Variants in ZNF493 observed in about 807,000 individuals in gnomAD.
ZNF493 encodes the protein zinc finger protein 493.
ZNF493 carries 11 observed loss-of-function variants against 12.2 expected under a neutral mutation model. The ratio of observed to expected loss-of-function variants is 0.90; its 90% CI spans 0.57 to 1.50. ZNF493 has a LOEUF of 1.50. Ranked by LOEUF, ZNF493 falls within the 40% of genes most tolerant of loss-of-function variation. ZNF493 has a pLI of 0.00. For synonymous variants in ZNF493, 286 were observed against 302.6 expected, an observed-to-expected ratio of 0.95 and a Z score of 0.57; for missense variants, 950 against 906.6, an observed-to-expected ratio of 1.05 and a Z score of -0.61.
chr19:21,406,802 C>T (rs1426240787), intron 3 of ZNF493, among the ~76,000 whole-genome samples: 2 of 150,702 alleles, frequency 1.3e-5, no homozygotes, highest in East Asian at 1.9e-4. Flanking sequence ...ATTTTAAAAT[C>T]GTAGTTTTCA....
intron 3 of ZNF493, among the ~76,000 whole-genome samples, chr19:21,416,680 C>T (rs887115346): frequency 1.3e-5 from 2 of 152,180 alleles, no homozygotes; most frequent in African/African-American, 4.8e-5. Context: ...GCTTCCAAAT[C>T]CTCCTGTTCG....
At chr19:21,398,593 GT>G in intron 1 of ZNF493, 2 of 439,920 alleles carry the variant, frequency 4.5e-6, no homozygotes. Context: ...TCAGCTTCTG[GT>G]TTATTTTCTC....
rs867357093 is a variant in ZNF493, at chr19:21,426,905, G to T, written c.*1921G>T. On this transcript the variant is annotated 3_prime_UTR_variant, in exon 4 of 4. Coordinates refer to ENST00000392288, the MANE Select transcript of ZNF493 (RefSeq NM_001076678.3). ...AATTATTTGTATATAATGTTAAGAG[G>T]AGTAAAAGATTTTTTGTAGAATAAT... 6.0e-6 allele frequency: 1 copy of T among 166,918 alleles called. No individual in the cohort carries two copies. Among genetic ancestry groups the T allele is most frequent in the East Asian group, 1.9e-4 (1 of 5,194 alleles). The allele number at this position is 166,918 out of a possible 1,614,324, so 10.3% of individuals were successfully genotyped here. A position where few individuals can be genotyped will look rare whatever the true frequency, so the allele number is the denominator to read the frequency against.
intron 1 of ZNF493, chr19:21,398,698 G>A: frequency 3.1e-6 from 1 of 324,270 alleles, no homozygotes; most frequent in Non-Finnish European, 6.0e-6. Context: ...CTCTTATTTT[G>A]AAACGGGTAA....
At chr19:21,414,218 T>G (rs1385679410) in intron 3 of ZNF493, 1 of 152,144 alleles carries the variant, frequency 6.6e-6, no homozygotes, top group Admixed American at 6.5e-5. Flanking sequence ...TATAAGCTAG[T>G]CTCCCAAATG....
intron 3 of ZNF493, chr19:21,414,019 C>T (rs56195306): frequency 3.2e-5 from 1 of 30,852 alleles, no homozygotes; most frequent in East Asian, 1.4e-3. Flanking sequence ...GTTTAATATT[C>T]CACACAGAGA....
rs1244723435 is a variant in ZNF493, at chr19:21,427,220, G to T, written c.*2236G>T. 1 of 167,048 alleles carries T rather than the reference G, an allele frequency of 6.0e-6. No individual in the cohort carries two copies. Among genetic ancestry groups the T allele is most frequent in the Non-Finnish European group, 1.5e-5 (1 of 68,116 alleles). The allele number at this position is 167,048 out of a possible 1,614,324, so 10.3% of individuals were successfully genotyped here. A position where few individuals can be genotyped will look rare whatever the true frequency, so the allele number is the denominator to read the frequency against. ...ACTTATACTATTGAGTGATGCACAA[G>T]GTAGGTGTTAAGAGTAATATTCTTT... is the stretch of plus-strand genomic sequence containing the variant. On this transcript the variant is annotated 3_prime_UTR_variant, in exon 4 of 4. Coordinates refer to ENST00000392288, the MANE Select transcript of ZNF493 (RefSeq NM_001076678.3).
At position 21,424,274 on chromosome 19, in the gene ZNF493, C is replaced by A. The variant is rs779695780; in HGVS notation, c.1615C>A (p.His539Asn). The part of the protein sequence containing the change: ...SSTLTIHKMI[H>N]TGEKPYKCEE... The stretch of plus-strand genomic sequence containing the variant: ...AACCCTTACTATACATAAAATGATT[C>A]ACACTGGAGAAAAACCCTACAAATG... The change falls in exon 4 of 4, where the codon CAC becomes AAC. Residue 539 changes from histidine to asparagine, a missense_variant. Coordinates refer to ENST00000392288, the MANE Select transcript of ZNF493 (RefSeq NM_001076678.3). The A allele has an allele frequency of 8.1e-6, 13 of 1,612,324 alleles. No individual in the cohort carries two copies. The Admixed American group carries it at 1.8e-4, about 23-fold the overall frequency.
rs1476571326 is a variant in ZNF493, at chr19:21,426,594, A to T, written c.*1610A>T. ...TTTGTACTACAGAAAAACTCTGAAG[A>T]GGTCACTCAAACTTTGTTCAACATC... On this transcript the variant is annotated 3_prime_UTR_variant, in exon 4 of 4. Coordinates refer to ENST00000392288, the MANE Select transcript of ZNF493 (RefSeq NM_001076678.3). The T allele has an allele frequency of 6.0e-6, 1 of 166,902 alleles. No homozygotes were observed. The highest frequency in any genetic ancestry group is 1.9e-4 in the East Asian group (1 of 5,210). 10.3% of individuals were successfully genotyped at this position (166,902 alleles called of 1,614,324 possible).
chr19:21,406,638 T>C (rs2030140446), intron 3 of ZNF493, among the ~76,000 whole-genome samples: 1 of 152,200 alleles, frequency 6.6e-6, no homozygotes, highest in Non-Finnish European at 1.5e-5. Context: ...TCTGTTCTAT[T>C]GGTTTTTATG....
In ZNF493 at chr19:21,420,525, T is replaced by C. The variant is rs576418683; in HGVS notation, c.254-2388T>C. On this transcript the variant is annotated intron_variant, in intron 3 of 3. Coordinates refer to ENST00000392288, the MANE Select transcript of ZNF493 (RefSeq NM_001076678.3). ...AATATACTTCTTTAGAATTCATTTA[T>C]TTTTGAAGTTTTTTTTTCTTTTTAT... Among the ~76,000 whole-genome samples, 54 of 67,894 alleles carry C rather than the reference T, an allele frequency of 8.0e-4. 1 individual carries two copies. Among genetic ancestry groups the C allele is most frequent in the Non-Finnish European group, 1.5e-4 (5 of 32,348 alleles). The allele number at this position is 67,894 out of a possible 152,430, so 44.5% of individuals were successfully genotyped here.
Position 21,411,549 on chromosome 19 carries a change from G to A in ZNF493, c.253+5693G>A, listed in dbSNP as rs190879076. The stretch of plus-strand genomic sequence containing the variant: ...AGCCTGGGCAACAAAGTGAAACCCC[G>A]TCTCTACTAAAATACAAAAAATTAG... On this transcript the variant is annotated intron_variant, in intron 3 of 3. Transcript: ENST00000392288. 4.0e-4 allele frequency among the ~76,000 whole-genome samples: 61 copies of A among 151,916 alleles called. 1 individual carries two copies. The highest frequency in any genetic ancestry group is 1.4e-3 in the African/African-American group (56 of 41,430).
rs1437047736 is a variant in ZNF493 at position 21,408,386 on chromosome 19, T to C, written c.253+2530T>C. On this transcript the variant is annotated intron_variant, in intron 3 of 3. Transcript: ENST00000392288. ...CTCAGGTGATCCACCCGCCTTGGCC[T>C]CCTGGGTGCTGGGATTACAGACGTG... 6 of 967,012 alleles carry C rather than the reference T, an allele frequency of 6.2e-6. No individual in the cohort carries two copies. In the East Asian group the frequency reaches 5.7e-4, roughly 92 times the overall value. The allele number at this position is 967,012 out of a possible 1,614,324, so 59.9% of individuals were successfully genotyped here.
chr19:21,423,125 T>C lies in ZNF493; in HGVS notation c.466T>C (p.Cys156Arg), dbSNP rs148531544. The C allele has an allele frequency of 2.5e-6, 4 of 1,613,498 alleles. No homozygotes were observed. The highest frequency in any genetic ancestry group is 3.4e-6 in the Non-Finnish European group (4 of 1,179,730). ...AACTACCCAGAGCAAAATATTTCAA[T>C]GTGATAAATATGTGAAAGTCTTTCA... ...LTTTQSKIFQ[C>R]DKYVKVFHKL... Residue 156 changes from cysteine (C) to arginine (R), a missense_variant, in exon 4 of 4, where the codon TGT becomes CGT. By Grantham distance (180) the Cys-to-Arg change is radical (BLOSUM62 -3). Transcript: ENST00000392288.
At chr19:21,411,099 C>A in intron 3 of ZNF493, among the ~76,000 whole-genome samples, 1 of 151,944 alleles carries the variant, frequency 6.6e-6, no homozygotes. Flanking sequence ...CTCATGTCTA[C>A]GGAATTTTTT....
chr19:21,418,300 C>G (rs1292729170), intron 3 of ZNF493, among the ~76,000 whole-genome samples: 1 of 152,192 alleles, frequency 6.6e-6, no homozygotes, highest in African/African-American at 2.4e-5. Context: ...TCTTCTGTTA[C>G]TTCATTACAC....
intron 3 of ZNF493, among the ~76,000 whole-genome samples, chr19:21,415,766 G>A: frequency 6.6e-6 from 1 of 152,136 alleles, no homozygotes; most frequent in East Asian, 1.9e-4. Context: ...GCTAAGCGTT[G>A]TTGTTTACTG....
At position 21,424,651 on chromosome 19, in the gene ZNF493, A is replaced by G. The variant is rs370529313; in HGVS notation, c.1992A>G (p.Lys664=). 6.2e-7 allele frequency: 1 copy of G among 1,613,844 alleles called. No homozygotes were observed. Among genetic ancestry groups the G allele is most frequent in the Non-Finnish European group, 8.5e-7 (1 of 1,179,834 alleles). Residue 664 remains lysine, a synonymous_variant, in exon 4 of 4, where the codon AAA becomes AAG. Transcript: ENST00000392288. ...CCTACAAATGTGAAGAATGTGGCAA[A>G]GCCTTTAGTATATTCTCAACCCTTA... ...QKPYKCEECG[K]AFSIFSTLTK...
intron 3 of ZNF493, among the ~76,000 whole-genome samples, chr19:21,421,706 C>T (rs2030682938): frequency 6.6e-6 from 1 of 152,098 alleles, no homozygotes; most frequent in South Asian, 2.1e-4. Flanking sequence ...AAAAAGTTAC[C>T]TGTCACAATC....
Sources: gnomAD v4.1 joint callset for allele counts (sites outside exome capture counted in the v4.1 genomes callset) on GRCh38, gnomAD v4.1.1 for gene constraint, MANE v1.5 for transcripts, NCBI Gene and HGNC (gene_info 2026-07-23, HGNC 2026-07-21) for gene names.